Variants in EDNRB observed in about 807,000 individuals in gnomAD.
EDNRB encodes the protein endothelin receptor type B.
In EDNRB, 18 loss-of-function variants were observed where a neutral mutation model predicts 46.4. The ratio of observed to expected loss-of-function variants is 0.39; its 90% CI spans 0.27 to 0.57. The LOEUF (loss-of-function observed/expected upper bound fraction) is 0.57, where lower values mean the gene tolerates loss of function less well. EDNRB is among the 20% of genes least tolerant of loss of function. EDNRB has a pLI of 0.61. For missense variants in EDNRB, 434 were observed against 537.5 expected (o/e 0.81, Z 1.90); for synonymous variants, 213 against 204.9 (o/e 1.04, Z -0.34).
intron 5 of EDNRB, 23 bp downstream of exon 5, chr13:77,900,498 C>A: frequency 6.2e-7 from 1 of 1,611,750 alleles, no homozygotes; most frequent in East Asian, 2.2e-5. Context: ...TTTACAAAAC[C>A]ATTTCTAGTT....
intron 1 of EDNRB, among the ~76,000 whole-genome samples, chr13:77,945,901 A>AAAAAAAAAC (rs1391892820): frequency 1.1e-4 from 17 of 150,698 alleles, no homozygotes; most frequent in Non-Finnish European, 2.1e-4. Flanking sequence ...AAACAAAAAA[A>AAAAAAAAAC]ACACACAATC....
intron 1 of EDNRB, chr13:77,940,027 A>AAATAAAG (rs1880698116): frequency 8.1e-6 from 1 of 122,976 alleles, no homozygotes; most frequent in Non-Finnish European, 1.9e-5. Flanking sequence ...AATAAATAAA[A>AAATAAAG]TAAAAATAAA....
chr13:77,966,385 C>T (rs1881582808), intron 1 of EDNRB, among the ~76,000 whole-genome samples: 1 of 152,174 alleles, frequency 6.6e-6, no homozygotes, highest in Non-Finnish European at 1.5e-5. Context: ...ACAACAAATA[C>T]ATGTCTTCCT....
chr13:77,939,650 C>T (rs1258937425), intron 1 of EDNRB: 1 of 152,170 alleles, frequency 6.6e-6, no homozygotes, highest in Admixed American at 6.5e-5. Context: ...ACGAAAATAT[C>T]TGATTCTCTT....
rs201072847 is a variant in EDNRB at position 77,903,174 on chromosome 13, C to T, written c.783G>A (p.Gln261=). The stretch of plus-strand genomic sequence containing the variant: ...AATTTACCTGCATGAAAGCTGTCTT[C>T]TGAACGGGATGAAGCAAGCAGATTC... ...YLRICLLHPV[Q]KTAFMQFYKT... The change falls in exon 3 of 7, where the codon CAG becomes CAA. Residue 261 remains glutamine, a synonymous_variant. Coordinates refer to ENST00000646607, the MANE Select transcript of EDNRB (RefSeq NM_001122659.3). 91 of 1,612,696 alleles carry T rather than the reference C, an allele frequency of 5.6e-5. No individual in the cohort carries two copies. Among genetic ancestry groups the T allele is most frequent in the Non-Finnish European group, 7.4e-5 (87 of 1,179,232 alleles).
At chr13:77,915,826 C>T (rs940501344) in intron 1 of EDNRB, among the ~76,000 whole-genome samples, 10 of 152,258 alleles carry the variant, frequency 6.6e-5, no homozygotes, top group African/African-American at 2.4e-4. Flanking sequence ...TATAATGACT[C>T]ATTGGCTTAT....
Position 77,898,416 on chromosome 13 carries a change from C to T in EDNRB, c.1195-82G>A, listed in dbSNP as rs1878751903. On this transcript the variant is annotated intron_variant, in intron 6 of 6. Coordinates refer to ENST00000646607, the MANE Select transcript of EDNRB (RefSeq NM_001122659.3). ...TCCTCCTCTCCAGGGTTCTGACTTT[C>T]TTTGTATGATTAGGAGTTCTTGGGC... 2.5e-6 allele frequency: 4 copies of T among 1,591,444 alleles called. No homozygotes were observed. The Admixed American group carries it at 6.8e-5, about 27-fold the overall frequency.
intron 1 of EDNRB, among the ~76,000 whole-genome samples, chr13:77,952,016 G>A (rs992072155): frequency 1.3e-5 from 2 of 152,082 alleles, no homozygotes; most frequent in Non-Finnish European, 2.9e-5. Context: ...TTTGGGTCGG[G>A]GGTTTCCCCA....
At chr13:77,920,309 C>G (rs1318955133), upstream of EDNRB, among the ~76,000 whole-genome samples, 3 of 152,176 alleles carry the variant, frequency 2.0e-5, no homozygotes, top group Non-Finnish European at 4.4e-5. Context: ...ATGTTTACCG[C>G]AGAGAGGAAA....
At chr13:77,904,992 T>C (rs893438627) in intron 1 of EDNRB, among the ~76,000 whole-genome samples, 1 of 151,978 alleles carries the variant, frequency 6.6e-6, no homozygotes, top group African/African-American at 2.4e-5. Context: ...TGAATTTGAC[T>C]TGGAGATTCA....
chr13:77,953,988 T>C (rs1458556976), intron 1 of EDNRB, among the ~76,000 whole-genome samples: 6 of 152,168 alleles, frequency 3.9e-5, no homozygotes, highest in African/African-American at 1.4e-4. Flanking sequence ...TAAAAACAGA[T>C]ACAATATTAT....
chr13:77,967,747 G>C (rs143196289), intron 1 of EDNRB, among the ~76,000 whole-genome samples: 2,180 of 152,224 alleles, frequency 0.014, 46 homozygotes, highest in East Asian at 0.024. Context: ...GACACACTTT[G>C]TTTTGCTGTC....
intron 1 of EDNRB, among the ~76,000 whole-genome samples, chr13:77,927,372 T>C (rs1212505261): frequency 6.6e-6 from 1 of 152,154 alleles, no homozygotes; most frequent in Non-Finnish European, 1.5e-5. Context: ...TGAAATTATA[T>C]AAGAAGAGTA....
At chr13:77,915,342 G>C (rs1404527609) in intron 1 of EDNRB, among the ~76,000 whole-genome samples, 1 of 152,172 alleles carries the variant, frequency 6.6e-6, no homozygotes, top group Non-Finnish European at 1.5e-5. Context: ...TGTTTACCAA[G>C]TATTCTACTG....
chr13:77,949,231 G>A (rs146154473), intron 1 of EDNRB, among the ~76,000 whole-genome samples: 1 of 152,184 alleles, frequency 6.6e-6, no homozygotes, highest in Non-Finnish European at 1.5e-5. Context: ...ACAGATTCCA[G>A]TTGCAGCAAA....
At chr13:77,917,576 C>T (rs1879872804) in intron 1 of EDNRB, among the ~76,000 whole-genome samples, 1 of 152,154 alleles carries the variant, frequency 6.6e-6, no homozygotes, top group Admixed American at 6.5e-5. Flanking sequence ...TCCTAACAAA[C>T]TCTCAGGTAA....
intron 1 of EDNRB, among the ~76,000 whole-genome samples, chr13:77,913,231 C>G (rs947126280): frequency 6.6e-5 from 10 of 152,134 alleles, no homozygotes; most frequent in African/African-American, 2.4e-4. Context: ...AGCAATTCCG[C>G]ATTTTGACAT....
intron 1 of EDNRB, among the ~76,000 whole-genome samples, chr13:77,955,353 T>C (rs1881204755): frequency 6.6e-6 from 1 of 152,192 alleles, no homozygotes; most frequent in African/African-American, 2.4e-5. Context: ...AGGAGTTTCT[T>C]ATATACTTTG....
intron 1 of EDNRB, among the ~76,000 whole-genome samples, chr13:77,909,750 A>G (rs1490757664): frequency 6.6e-6 from 1 of 152,056 alleles, no homozygotes; most frequent in Non-Finnish European, 1.5e-5. Flanking sequence ...AATGAATTTG[A>G]TCACACGGCA....
Sources: allele counts gnomAD v4.1 joint callset (sites outside exome capture counted in the v4.1 genomes callset), GRCh38; gene constraint gnomAD v4.1.1; transcripts MANE v1.5; gene names NCBI Gene and HGNC (gene_info 2026-07-23, HGNC 2026-07-21).